The following TLN2 variants were observed in gnomAD, a reference collection of about 807,000 sequenced individuals.
TLN2 encodes talin-2.
A neutral mutation model predicts 294.7 loss-of-function variants in TLN2; 118 were observed. The ratio of observed to expected loss-of-function variants is 0.40; its 90% CI spans 0.34 to 0.47. The LOEUF (loss-of-function observed/expected upper bound fraction) is 0.47. Among genes scored for constraint, TLN2 ranks in the 20% least tolerant of loss-of-function variants. TLN2 has a pLI of 0.84. For missense variants in TLN2, 3,083 were observed against 3,282.2 expected (o/e 0.94, Z 1.48); for synonymous variants, 1,431 against 1,304.5 (o/e 1.10, Z -2.09).
chr15:62,586,344 C>G (rs958464033), intron 1 of TLN2, among the ~76,000 whole-genome samples: 2 of 152,146 alleles, frequency 1.3e-5, no homozygotes, highest in Non-Finnish European at 2.9e-5. Flanking sequence ...TGTCTAACTT[C>G]TAGGGAAATT....
intron 26 of TLN2, 60 bp downstream of exon 26, chr15:62,722,547 A>G: frequency 6.4e-7 from 1 of 1,556,200 alleles, no homozygotes; most frequent in South Asian, 1.2e-5. Flanking sequence ...TGGCATGGGT[A>G]CCACCCAGGG....
At chr15:62,774,909 C>A (rs893419402) in intron 42 of TLN2, among the ~76,000 whole-genome samples, 1 of 151,136 alleles carries the variant, frequency 6.6e-6, no homozygotes. Context: ...CTGTCTCCCC[C>A]AGAAGGTATA....
At chr15:62,592,197 G>A (rs1246710467) in intron 2 of TLN2, among the ~76,000 whole-genome samples, 2 of 152,198 alleles carry the variant, frequency 1.3e-5, no homozygotes, top group Non-Finnish European at 1.5e-5. Flanking sequence ...CCTGTTCCAA[G>A]AAGCCTGCAC....
At chr15:62,781,360 T>A (rs2064151015) in intron 44 of TLN2, 119 bp downstream of exon 44, 1 of 700,410 alleles carries the variant, frequency 1.4e-6, no homozygotes, top group African/African-American at 1.8e-5. Flanking sequence ...CTCTAGTCCC[T>A]CAGGGGCTCC....
At chr15:62,541,996 C>A (rs564660410) in intron 1 of TLN2, among the ~76,000 whole-genome samples, 9 of 151,498 alleles carry the variant, frequency 5.9e-5, no homozygotes, top group Non-Finnish European at 1.2e-4. Context: ...GAACCCTTGG[C>A]GAATACTTTC....
chr15:62,476,192 C>A (rs748496410), intron 1 of TLN2: 1 of 152,232 alleles, frequency 6.6e-6, no homozygotes, highest in East Asian at 1.9e-4. Context: ...GAGCATGAAC[C>A]CTGTGTGGCA....
chr15:62,736,177 G>A (rs996063786), intron 28 of TLN2, among the ~76,000 whole-genome samples: 2 of 152,100 alleles, frequency 1.3e-5, no homozygotes, highest in African/African-American at 2.4e-5. Context: ...AAAATTAGCC[G>A]GGCGTGGTGA....
chr15:62,537,112 G>C (rs1179277200), intron 1 of TLN2, among the ~76,000 whole-genome samples: 1 of 151,590 alleles, frequency 6.6e-6, no homozygotes, highest in Non-Finnish European at 1.5e-5. Context: ...TCCGCCTCCT[G>C]GGTTCATGCC....
chr15:62,831,028 T>G (rs1345229904), intron 54 of TLN2: 2 of 127,854 alleles, frequency 1.6e-5, no homozygotes, highest in Non-Finnish European at 3.3e-5. Flanking sequence ...TATCTATTAT[T>G]ACAAGCTTGT....
chr15:62,647,389 G>C lies in TLN2; in HGVS notation c.79G>C (p.Val27Leu). Residue 27 changes from valine to leucine, a missense_variant, in exon 4 of 59, where the codon GTG (valine) becomes CTG (leucine). Physicochemically the swap from Val to Leu is conservative, Grantham distance 32 (BLOSUM62 1). Coordinates refer to ENST00000636159, the MANE Select transcript of TLN2 (RefSeq NM_015059.3). Reference sequence around the variant, plus strand: ...CATGCAGTTTGAACCATCTACAGCTGTGTACGATGCGTGTCGAGTCATTCG... The same window carrying C: ...CATGCAGTTTGAACCATCTACAGCTCTGTACGATGCGTGTCGAGTCATTCG... ...KTMQFEPSTA[V>L]YDACRVIRER... The C allele has an allele frequency of 6.2e-7, 1 of 1,614,216 alleles. No individual in the cohort carries two copies.
chr15:62,391,940 C>A (rs1418463529), intron 1 of TLN2, among the ~76,000 whole-genome samples: 1 of 152,230 alleles, frequency 6.6e-6, no homozygotes, highest in Admixed American at 6.5e-5. Flanking sequence ...AGCGTTCTCC[C>A]GGTGCCCGGG....
At chr15:62,777,062 C>T (rs1210172515) in intron 43 of TLN2, 152 bp downstream of exon 43, 7 of 654,058 alleles carry the variant, frequency 1.1e-5, no homozygotes, top group Non-Finnish European at 1.6e-5. Flanking sequence ...ACATGTCCAA[C>T]ATATTATTCT....
At chr15:62,786,590 A>G (rs1306856710) in intron 45 of TLN2, among the ~76,000 whole-genome samples, 3 of 152,214 alleles carry the variant, frequency 2.0e-5, no homozygotes, top group African/African-American at 7.2e-5. Context: ...TTTAGCGACA[A>G]CAGCTTTGTC....
chr15:62,581,093 C>T (rs146871205), intron 1 of TLN2, among the ~76,000 whole-genome samples: 291 of 151,928 alleles, frequency 1.9e-3, no homozygotes, highest in Admixed American at 4.7e-3. Flanking sequence ...CATGTTGGCC[C>T]GGATGGTCTC....
At chr15:62,521,630 A>G (rs562551844) in intron 1 of TLN2, among the ~76,000 whole-genome samples, 13 of 152,268 alleles carry the variant, frequency 8.5e-5, no homozygotes, top group Middle Eastern at 6.8e-3. Context: ...TATGCAGGTG[A>G]AGCCTCCAGT....
chr15:62,553,452 T>C (rs565882140), intron 1 of TLN2, among the ~76,000 whole-genome samples: 1 of 151,578 alleles, frequency 6.6e-6, no homozygotes, highest in Non-Finnish European at 1.5e-5. Context: ...GCCATTGCAC[T>C]CCAGTGTGGG....
At chr15:62,837,550 G>T (rs2069869277) in intron 57 of TLN2, among the ~76,000 whole-genome samples, 1 of 152,134 alleles carries the variant, frequency 6.6e-6, no homozygotes, top group Non-Finnish European at 1.5e-5. Flanking sequence ...CATCACTCTT[G>T]TTCCCATCAT....
intron 3 of TLN2, among the ~76,000 whole-genome samples, chr15:62,634,019 A>T (rs767988741): frequency 1.3e-5 from 2 of 152,168 alleles, no homozygotes; most frequent in South Asian, 4.1e-4. Flanking sequence ...ACAACGGTCA[A>T]TTCGGATTAT....
chr15:62,500,254 C>T (rs949339822), intron 1 of TLN2, among the ~76,000 whole-genome samples: 22 of 152,150 alleles, frequency 1.4e-4, no homozygotes, highest in African/African-American at 5.3e-4. Context: ...AGGAGAATTG[C>T]TTGAACCCAG....
Sources: allele counts gnomAD v4.1 joint callset (sites outside exome capture counted in the v4.1 genomes callset), GRCh38; gene constraint gnomAD v4.1.1; transcripts MANE v1.5; gene names NCBI Gene and HGNC (gene_info 2026-07-23, HGNC 2026-07-21).